LRP1B: variants seen among roughly 807,000 people sequenced by gnomAD.
LRP1B encodes LDL receptor related protein 1B.
In LRP1B, 217 loss-of-function variants were observed where a neutral mutation model predicts 556.6. The ratio of observed to expected loss-of-function variants is 0.39; its 90% CI spans 0.35 to 0.44. The LOEUF is 0.44. LRP1B is among the 20% of genes least tolerant of loss of function. The pLI, the probability that LRP1B is intolerant of heterozygous loss-of-function variation, is 1.00. For missense variants in LRP1B, 5,053 were observed against 5,620.8 expected, an observed-to-expected ratio of 0.90 and a Z score of 3.23; for synonymous variants, 2,047 against 1,865.8, an observed-to-expected ratio of 1.10 and a Z score of -2.50.
chr2:140,601,718 C>T (rs1441465), intron 41 of LRP1B, 79 bp from the exon 42 acceptor site: 387,124 of 951,508 alleles, frequency 0.41, 79,246 homozygotes, highest in East Asian at 0.49. Flanking sequence ...GCATTTAAGA[C>T]ATACATGTAT....
chr2:141,078,286 G>A (rs746068207), intron 7 of LRP1B, among the ~76,000 whole-genome samples: 1 of 143,854 alleles, frequency 7.0e-6, no homozygotes, highest in Non-Finnish European at 1.5e-5. Flanking sequence ...TTTCAGTTTA[G>A]AATATCTGTC....
intron 5 of LRP1B, among the ~76,000 whole-genome samples, chr2:141,238,159 C>A (rs1023844509): frequency 8.6e-5 from 13 of 151,988 alleles, no homozygotes; most frequent in African/African-American, 3.1e-4. Flanking sequence ...AGCAGACAGT[C>A]CAGTGATGGT....
intron 3 of LRP1B, among the ~76,000 whole-genome samples, chr2:141,295,409 A>T (rs1437347022): frequency 6.6e-6 from 1 of 152,180 alleles, no homozygotes; most frequent in East Asian, 1.9e-4. Context: ...TCTTCTTTAC[A>T]TCACACTGAC....
chr2:141,776,009 A>AT (rs200761465), intron 2 of LRP1B, among the ~76,000 whole-genome samples: 4 of 148,804 alleles, frequency 2.7e-5, no homozygotes, highest in East Asian at 2.0e-4. Context: ...CGCCAGGTTA[A>AT]TTTTTTTTTT....
Position 140,233,013 on chromosome 2 carries a change from A to G in LRP1B, c.*173T>C. The G allele has an allele frequency of 2.2e-6, 1 of 444,578 alleles. No homozygotes were observed. 27.5% of individuals were successfully genotyped at this position (444,578 alleles called of 1,614,324 possible). A position where few individuals can be genotyped will look rare whatever the true frequency, so the allele number is the denominator to read the frequency against. On this transcript the variant is annotated 3_prime_UTR_variant, in exon 91 of 91. Coordinates refer to ENST00000389484, the MANE Select transcript of LRP1B (RefSeq NM_018557.3). ...TCATAAAAATACCATACAAATGGTC[A>G]ATCAATAGTCATCAGCAAAAAATAA...
At chr2:141,748,797 C>T (rs10496894) in intron 2 of LRP1B, among the ~76,000 whole-genome samples, 21,315 of 152,150 alleles carry the variant, frequency 0.14, 1,672 homozygotes, top group Admixed American at 0.26. Context: ...TTCAAATAGA[C>T]GCAAACATGC....
At chr2:140,819,265 T>C (rs1205673009) in intron 31 of LRP1B, among the ~76,000 whole-genome samples, 1 of 152,214 alleles carries the variant, frequency 6.6e-6, no homozygotes, top group African/African-American at 2.4e-5. Flanking sequence ...TCTCTGGTAA[T>C]CTCACAACTG....
intron 6 of LRP1B, among the ~76,000 whole-genome samples, chr2:141,221,132 A>G (rs958792386): frequency 1.1e-4 from 16 of 152,276 alleles, no homozygotes; most frequent in African/African-American, 3.9e-4. Flanking sequence ...GAAAAGACCC[A>G]TTGATGTGCT....
At chr2:140,873,139 G>T (rs1346708704) in intron 25 of LRP1B, among the ~76,000 whole-genome samples, 1 of 151,922 alleles carries the variant, frequency 6.6e-6, no homozygotes, top group Admixed American at 6.6e-5. Flanking sequence ...GTTAAGAATT[G>T]CCAGAATACA....
chr2:141,824,081 C>T (rs1209962630), intron 1 of LRP1B, among the ~76,000 whole-genome samples: 1 of 151,988 alleles, frequency 6.6e-6, no homozygotes, highest in Non-Finnish European at 1.5e-5. Flanking sequence ...ATTTTAATGT[C>T]CTTTTTGTAA....
At chr2:141,678,500 G>A (rs944578544) in intron 2 of LRP1B, among the ~76,000 whole-genome samples, 10 of 152,048 alleles carry the variant, frequency 6.6e-5, no homozygotes, top group African/African-American at 9.7e-5. Flanking sequence ...AGCATTCATC[G>A]AATTTGACAA....
intron 3 of LRP1B, among the ~76,000 whole-genome samples, chr2:141,393,357 A>G (rs1045575680): frequency 1.3e-5 from 2 of 152,094 alleles, no homozygotes; most frequent in Non-Finnish European, 1.5e-5. Context: ...ACCCTACCTT[A>G]TTTACAATTA....
chr2:140,526,915 G>T (rs1350001113), intron 47 of LRP1B, among the ~76,000 whole-genome samples: 1 of 151,690 alleles, frequency 6.6e-6, no homozygotes, highest in Non-Finnish European at 1.5e-5. Context: ...CACTGACTTT[G>T]TTTCTCAGAG....
chr2:141,531,751 G>A (rs1377384497), intron 2 of LRP1B, among the ~76,000 whole-genome samples: 1 of 152,112 alleles, frequency 6.6e-6, no homozygotes, highest in Non-Finnish European at 1.5e-5. Context: ...AACCATTTCT[G>A]TTCTGACAGA....
chr2:141,001,785 C>T (rs995665842), intron 15 of LRP1B, among the ~76,000 whole-genome samples: 6 of 152,052 alleles, frequency 3.9e-5, no homozygotes, highest in Admixed American at 6.6e-5. Flanking sequence ...TGTGCGTGTG[C>T]GTGCGCACGC....
intron 53 of LRP1B, among the ~76,000 whole-genome samples, chr2:140,505,410 C>A (rs1392528178): frequency 1.3e-5 from 2 of 152,208 alleles, no homozygotes; most frequent in Non-Finnish European, 2.9e-5. Context: ...ACATTCCCTG[C>A]TTCTATTCTT....
chr2:141,600,102 C>T (rs146181474), intron 2 of LRP1B, among the ~76,000 whole-genome samples: 65 of 152,254 alleles, frequency 4.3e-4, no homozygotes, highest in African/African-American at 1.2e-3. Flanking sequence ...TAAGTGAAAG[C>T]GAGTAGGTAG....
At chr2:141,215,477 T>C (rs1322825814) in intron 6 of LRP1B, among the ~76,000 whole-genome samples, 1 of 152,062 alleles carries the variant, frequency 6.6e-6, no homozygotes, top group East Asian at 1.9e-4. Context: ...AGGAAGAGAT[T>C]GGAAGAGTTT....
intron 1 of LRP1B, among the ~76,000 whole-genome samples, chr2:141,893,619 A>G (rs529592302): frequency 4.3e-4 from 66 of 152,306 alleles, no homozygotes; most frequent in African/African-American, 1.5e-3. Context: ...TGCCAAATGG[A>G]TGAAGTCATA....
Sources: allele counts gnomAD v4.1 joint callset (sites outside exome capture counted in the v4.1 genomes callset), GRCh38; gene constraint gnomAD v4.1.1; transcripts MANE v1.5; gene names NCBI Gene and HGNC (gene_info 2026-07-23, HGNC 2026-07-21).